The following QTMAN variants were observed in gnomAD, a reference collection of about 807,000 sequenced individuals.
QTMAN encodes tRNA-queuosine alpha-mannosyltransferase.
At chr2:144,196,701 C>T in the QTMAN span, among the ~76,000 whole-genome samples, 4 of 152,194 alleles carry the variant, frequency 2.6e-5, no homozygotes, top group East Asian at 1.9e-4. Context: ...GTGCCTAGCA[C>T]GTAATGAGTG....
the QTMAN span, among the ~76,000 whole-genome samples, chr2:144,156,129 C>A: frequency 1.3e-5 from 2 of 152,016 alleles, no homozygotes; most frequent in East Asian, 3.9e-4. Context: ...TTGAGTTACT[C>A]GTTTTATCAT....
the QTMAN span, among the ~76,000 whole-genome samples, chr2:144,268,300 T>C: frequency 1.3e-5 from 2 of 152,098 alleles, no homozygotes; most frequent in East Asian, 3.9e-4. Context: ...CCATGTTTCT[T>C]GTACAGCCTG....
the QTMAN span, among the ~76,000 whole-genome samples, chr2:143,994,248 G>A: frequency 1.3e-5 from 2 of 152,124 alleles, no homozygotes; most frequent in Non-Finnish European, 2.9e-5. Context: ...CCTGGCTTTA[G>A]AAGAAGTAGC....
At chr2:144,030,660 A>T in the QTMAN span, among the ~76,000 whole-genome samples, 6 of 151,522 alleles carry the variant, frequency 4.0e-5, no homozygotes, top group South Asian at 2.1e-4. Flanking sequence ...AAGGAAATTT[A>T]AAAAAAAAGA....
the QTMAN span, among the ~76,000 whole-genome samples, chr2:143,962,209 T>C: frequency 2.6e-5 from 4 of 151,982 alleles, no homozygotes; most frequent in African/African-American, 9.7e-5. Context: ...ACTGATGGAA[T>C]GAGTATAGAT....
the QTMAN span, among the ~76,000 whole-genome samples, chr2:144,160,558 T>A: frequency 6.6e-6 from 1 of 152,126 alleles, no homozygotes; most frequent in South Asian, 2.1e-4. Context: ...GTTGTAAGAT[T>A]ATCAAGAAAA....
chr2:143,944,783 C>T, the QTMAN span: 3 of 152,262 alleles, frequency 2.0e-5, 1 homozygote, highest in South Asian at 6.2e-4. Flanking sequence ...TTGGCCACAG[C>T]TAATGGCAAA....
At chr2:144,259,861 T>C in the QTMAN span, among the ~76,000 whole-genome samples, 3 of 152,170 alleles carry the variant, frequency 2.0e-5, no homozygotes, top group East Asian at 1.9e-4. Context: ...TAGGACAATT[T>C]TCCATTATAA....
chr2:144,312,830 C>T, the QTMAN span, among the ~76,000 whole-genome samples: 3 of 152,162 alleles, frequency 2.0e-5, no homozygotes, highest in Non-Finnish European at 4.4e-5. Context: ...TCTCTCTCGC[C>T]AGCCACCATG....
At chr2:144,300,974 TC>T in the QTMAN span, among the ~76,000 whole-genome samples, 1 of 152,198 alleles carries the variant, frequency 6.6e-6, no homozygotes. Flanking sequence ...TGAGGCACTT[TC>T]AATTATATAG....
the QTMAN span, among the ~76,000 whole-genome samples, chr2:144,194,151 C>A: frequency 2.0e-5 from 3 of 152,112 alleles, no homozygotes; most frequent in South Asian, 6.2e-4. Context: ...CTTAGGGGAA[C>A]AGTACAAATT....
the QTMAN span, among the ~76,000 whole-genome samples, chr2:144,177,529 TGGC>T: frequency 2.3e-3 from 348 of 152,228 alleles, 4 homozygotes; most frequent in Admixed American, 0.02. Context: ...ATGGTAAAGG[TGGC>T]CTCCCAAATC....
At chr2:144,142,630 C>T in the QTMAN span, among the ~76,000 whole-genome samples, 1 of 151,924 alleles carries the variant, frequency 6.6e-6, no homozygotes, top group Non-Finnish European at 1.5e-5. Flanking sequence ...AGTTCTGGGA[C>T]TACACAGAAA....
At chr2:144,223,819 C>A in the QTMAN span, among the ~76,000 whole-genome samples, 1 of 152,140 alleles carries the variant, frequency 6.6e-6, no homozygotes, top group African/African-American at 2.4e-5. Context: ...CCAAGATTTA[C>A]CTTTCACCTT....
At chr2:144,047,397 G>T in the QTMAN span, among the ~76,000 whole-genome samples, 1,311 of 152,246 alleles carry the variant, frequency 8.6e-3, 6 homozygotes, top group Non-Finnish European at 0.014. Context: ...AACACAACAT[G>T]AAAGTAATAA....
At chr2:144,123,155 A>G in the QTMAN span, among the ~76,000 whole-genome samples, 38 of 152,306 alleles carry the variant, frequency 2.5e-4, no homozygotes, top group African/African-American at 8.9e-4. Context: ...AATTTGATAC[A>G]CTATCATTAT....
chr2:144,268,400 G>C, the QTMAN span, among the ~76,000 whole-genome samples: 1 of 152,270 alleles, frequency 6.6e-6, no homozygotes, highest in East Asian at 1.9e-4. Flanking sequence ...ACTAAGGCAG[G>C]AGTATTTAAG....
At chr2:144,040,841 A>C in the QTMAN span, among the ~76,000 whole-genome samples, 78 of 152,292 alleles carry the variant, frequency 5.1e-4, 1 homozygote, top group African/African-American at 1.5e-3. Flanking sequence ...CAACACAGAA[A>C]ATGCAGGGCA....
At chr2:144,033,354 G>A in the QTMAN span, among the ~76,000 whole-genome samples, 1 of 152,152 alleles carries the variant, frequency 6.6e-6, no homozygotes, top group South Asian at 2.1e-4. Context: ...ACAGCTCACA[G>A]AACTCAGGAA....
Sources: gnomAD v4.1 joint callset for allele counts (sites outside exome capture counted in the v4.1 genomes callset) on GRCh38, gnomAD v4.1.1 for gene constraint, MANE v1.5 for transcripts, NCBI Gene and HGNC (gene_info 2026-07-23, HGNC 2026-07-21) for gene names.